BNC2: variants seen among roughly 807,000 people sequenced by gnomAD.
BNC2 encodes zinc finger protein basonuclin-2.
In BNC2, 20 loss-of-function variants were observed where a neutral mutation model predicts 76.3. That is an observed-to-expected ratio of 0.26 (90% CI 0.18 to 0.38). The LOEUF (loss-of-function observed/expected upper bound fraction) is 0.38, where lower values mean the gene tolerates loss of function less well. Ranked by LOEUF, BNC2 falls within the 10% of genes least tolerant of loss-of-function variation. The probability of loss-of-function intolerance (pLI) is 1.00; values close to 1 mark genes in which losing one functional copy is unlikely to be tolerated. For synonymous variants in BNC2, 582 were observed against 514.8 expected (o/e 1.13, Z -1.77); for missense variants, 1,382 against 1,399.8 (o/e 0.99, Z 0.20).
chr9:16,504,476 CTT>C lies in BNC2; in HGVS notation c.669+48052_669+48053del, dbSNP rs1160064267. Among the ~76,000 whole-genome samples, 4 of 152,140 alleles carry C rather than the reference CTT, an allele frequency of 2.6e-5. No individual in the cohort carries two copies. The East Asian group carries it at 5.8e-4, about 22-fold the overall frequency. ...ACTCCCAAAATAGACTGGTTAATAA[CTT>C]TGCTTTTTCCCTGAATTCAGATTAA... On this transcript the variant is annotated intron_variant, in intron 5 of 6. Coordinates refer to ENST00000380672, the MANE Select transcript of BNC2 (RefSeq NM_017637.6).
chr9:16,527,703 ATTAT>A (rs1382123644), intron 5 of BNC2, among the ~76,000 whole-genome samples: 1 of 152,328 alleles, frequency 6.6e-6, no homozygotes, highest in African/African-American at 2.4e-5. Context: ...GGCAAAAAAG[ATTAT>A]TTATAAGCGA....
rs145011045 is a variant in BNC2, at chr9:16,727,956, C to A, written c.171G>T (p.Gln57His). 3.5e-4 allele frequency: 561 copies of A among 1,614,082 alleles called. 2 individuals are homozygous for A. Among genetic ancestry groups the A allele is most frequent in the Non-Finnish European group, 7.5e-5 (88 of 1,180,010 alleles). ...TTGCCCTCTTTGGCTCTCTGTCTCT[C>A]TGTGTCTCTCTTTCTCTCACATCCA... ...AEVDVRERETQRDREPKRARD... is the reference protein window; with the variant it reads ...AEVDVRERETHRDREPKRARD... Residue 57 changes from glutamine (Q) to histidine (H), a missense_variant, in exon 3 of 7, where the codon CAG (glutamine) becomes CAT (histidine). Physicochemically the swap from Gln to His is conservative, Grantham distance 24. This residue lies in a region of BNC2 where 557 missense variants were observed against 540.9 expected (regional missense o/e 1.03). Coordinates refer to ENST00000380672, the MANE Select transcript of BNC2 (RefSeq NM_017637.6).
rs367693360 is a variant in BNC2 at position 16,717,346 on chromosome 9, G to GA, written c.330+10450dup. ...TCTTTTTTAAGTATATAGCTTTAGGGAAAAAAAATGGAAATTTCTCAACTA... is the reference window on the plus strand; with the variant it reads ...TCTTTTTTAAGTATATAGCTTTAGGGAAAAAAAAATGGAAATTTCTCAACTA... On this transcript the variant is annotated intron_variant, in intron 3 of 6. Transcript: ENST00000380672. Among the ~76,000 whole-genome samples the GA allele has an allele frequency of 9.5e-3, 1,439 of 151,410 alleles. 17 individuals carry two copies. The highest frequency in any genetic ancestry group is 0.032 in the African/African-American group (1,331 of 41,328).
chr9:16,667,840 G>A (rs1259321597), intron 3 of BNC2, among the ~76,000 whole-genome samples: 1 of 152,118 alleles, frequency 6.6e-6, no homozygotes, highest in African/African-American at 2.4e-5. Context: ...TGCCCTCAAG[G>A]AGAGCATCTT....
chr9:16,606,715 G>C (rs1820396337), intron 3 of BNC2, among the ~76,000 whole-genome samples: 1 of 151,860 alleles, frequency 6.6e-6, no homozygotes, highest in South Asian at 2.1e-4. Flanking sequence ...CCGCCACCAT[G>C]CCCAGCTAAC....
chr9:16,657,193 C>G (rs1488485979), intron 3 of BNC2, among the ~76,000 whole-genome samples: 1 of 152,096 alleles, frequency 6.6e-6, no homozygotes, highest in African/African-American at 2.4e-5. Flanking sequence ...ATGAGTACAA[C>G]TACCCCAAGT....
At chr9:16,596,098 A>G (rs1483375570) in intron 3 of BNC2, among the ~76,000 whole-genome samples, 1 of 152,140 alleles carries the variant, frequency 6.6e-6, no homozygotes, top group Non-Finnish European at 1.5e-5. Context: ...TCACTCCATC[A>G]GATCAAAAAT....
intron 1 of BNC2, among the ~76,000 whole-genome samples, chr9:16,740,191 A>G (rs188318715): frequency 4.9e-4 from 74 of 152,358 alleles, no homozygotes; most frequent in African/African-American, 1.6e-3. Flanking sequence ...TAGAACAACA[A>G]GACTTATATT....
intron 5 of BNC2, among the ~76,000 whole-genome samples, chr9:16,455,357 C>A (rs1421379215): frequency 6.6e-6 from 1 of 152,138 alleles, no homozygotes. Flanking sequence ...AAAGGAGAGA[C>A]TAATTAATTT....
At chr9:16,592,117 TC>T (rs1313016522) in intron 3 of BNC2, among the ~76,000 whole-genome samples, 11 of 149,556 alleles carry the variant, frequency 7.4e-5, no homozygotes, top group Admixed American at 2.0e-4. Flanking sequence ...ACCCCTCCCC[TC>T]CCCCCAAAAA....
chr9:16,839,832 C>T (rs1818786727), intron 1 of BNC2, among the ~76,000 whole-genome samples: 1 of 152,148 alleles, frequency 6.6e-6, no homozygotes, highest in African/African-American at 2.4e-5. Context: ...ATTAGTCAAC[C>T]AATGCGGTGT....
chr9:16,757,090 A>T (rs5015538), intron 1 of BNC2, among the ~76,000 whole-genome samples: 122,868 of 151,740 alleles, frequency 0.81, 51,204 homozygotes, highest in Non-Finnish European at 0.91. Flanking sequence ...TTTCTTTCTT[A>T]TGGGTCAATA....
chr9:16,788,898 G>A (rs962995039), intron 1 of BNC2, among the ~76,000 whole-genome samples: 5 of 151,970 alleles, frequency 3.3e-5, no homozygotes, highest in East Asian at 1.9e-4. Flanking sequence ...TAGTTGAAAC[G>A]AATTCCACCT....
At chr9:16,830,703 C>G (rs1281270253) in intron 1 of BNC2, among the ~76,000 whole-genome samples, 1 of 152,152 alleles carries the variant, frequency 6.6e-6, no homozygotes, top group Non-Finnish European at 1.5e-5. Flanking sequence ...TTTGATAAAA[C>G]TCATTTAGTG....
intron 5 of BNC2, among the ~76,000 whole-genome samples, chr9:16,440,971 A>G (rs938155069): frequency 2.0e-5 from 3 of 152,364 alleles, no homozygotes; most frequent in African/African-American, 7.2e-5. Flanking sequence ...AGAACGGGAC[A>G]CATAGCTCTA....
chr9:16,602,984 G>C (rs1230341681), intron 3 of BNC2, among the ~76,000 whole-genome samples: 1 of 152,148 alleles, frequency 6.6e-6, no homozygotes, highest in Non-Finnish European at 1.5e-5. Context: ...AGCATTCTAT[G>C]AGTTATCCAC....
chr9:16,500,488 AT>A (rs2131768246), intron 5 of BNC2, among the ~76,000 whole-genome samples: 2 of 152,338 alleles, frequency 1.3e-5, no homozygotes, highest in South Asian at 4.1e-4. Context: ...AATAAAAAAA[AT>A]CTAGAATGAA....
chr9:16,633,247 C>T (rs942116680), intron 3 of BNC2, among the ~76,000 whole-genome samples: 1 of 151,780 alleles, frequency 6.6e-6, no homozygotes, highest in African/African-American at 2.4e-5. Flanking sequence ...AATACGATGG[C>T]CCTGTACCAA....
chr9:16,587,751 C>G (rs1019364324), intron 3 of BNC2, among the ~76,000 whole-genome samples: 3 of 152,100 alleles, frequency 2.0e-5, no homozygotes, highest in Non-Finnish European at 4.4e-5. Context: ...ATCCCTACTT[C>G]TCCAACACCG....
Sources: allele counts gnomAD v4.1 joint callset (sites outside exome capture counted in the v4.1 genomes callset), GRCh38; gene constraint gnomAD v4.1.1; regional missense constraint gnomAD v4.1.1; transcripts MANE v1.5; gene names NCBI Gene and HGNC (gene_info 2026-07-23, HGNC 2026-07-21).